The following SLC24A2 variants were observed in gnomAD, a reference collection of about 807,000 sequenced individuals.
SLC24A2 encodes solute carrier family 24 member 2, also known as sodium/potassium/calcium exchanger 2.
SLC24A2 carries 36 observed loss-of-function variants against 62.0 expected under a neutral mutation model. That is an observed-to-expected ratio of 0.58 (90% CI 0.44 to 0.77). The LOEUF (loss-of-function observed/expected upper bound fraction) is 0.77. SLC24A2 is among the 30% of genes least tolerant of loss of function. The probability of loss-of-function intolerance (pLI) is 0.00; values close to 1 mark genes in which losing one functional copy is unlikely to be tolerated. For synonymous variants in SLC24A2, 358 were observed against 294.0 expected (o/e 1.22, Z -2.23); for missense variants, 846 against 817.9 (o/e 1.03, Z -0.42).
chr9:20,202,017 G>A, the SLC24A2 span, among the ~76,000 whole-genome samples: 1 of 151,676 alleles, frequency 6.6e-6, no homozygotes, highest in Admixed American at 6.6e-5. Flanking sequence ...GAAGTCGCCA[G>A]AATCTTTTTC....
At chr9:20,185,680 A>AG in the SLC24A2 span, among the ~76,000 whole-genome samples, 1 of 151,072 alleles carries the variant, frequency 6.6e-6, no homozygotes, top group Non-Finnish European at 1.5e-5. Context: ...AAAAAAAAAA[A>AG]GAAAAGAAAA....
At chr9:19,664,573 T>C (rs1819195100) in intron 2 of SLC24A2, among the ~76,000 whole-genome samples, 1 of 152,168 alleles carries the variant, frequency 6.6e-6, no homozygotes, top group Admixed American at 6.5e-5. Context: ...TATGTTGAAG[T>C]CCTAATCCAC....
At chr9:20,043,022 T>C in the SLC24A2 span, among the ~76,000 whole-genome samples, 3 of 152,124 alleles carry the variant, frequency 2.0e-5, no homozygotes, top group African/African-American at 4.8e-5. Context: ...GATATGGAAA[T>C]TGGACCAATT....
the SLC24A2 span, among the ~76,000 whole-genome samples, chr9:20,110,389 T>C: frequency 6.6e-6 from 1 of 152,128 alleles, no homozygotes; most frequent in South Asian, 2.1e-4. Context: ...TAAAAGCTTC[T>C]GTAAATAATC....
the SLC24A2 span, chr9:19,926,929 G>A: frequency 1.3e-5 from 2 of 152,668 alleles, no homozygotes; most frequent in African/African-American, 4.8e-5. Context: ...GAGACCCAGA[G>A]TCAGGGGTGG....
chr9:20,205,652 A>G, the SLC24A2 span, among the ~76,000 whole-genome samples: 1 of 106,796 alleles, frequency 9.4e-6, no homozygotes, highest in Non-Finnish European at 2.0e-5. Flanking sequence ...CTCCATCTAA[A>G]AAAAAAAAAA....
At chr9:20,025,118 A>C in the SLC24A2 span, among the ~76,000 whole-genome samples, 1 of 152,122 alleles carries the variant, frequency 6.6e-6, no homozygotes, top group African/African-American at 2.4e-5. Flanking sequence ...ACTTAACCAA[A>C]GTTCACTTTG....
intron 8 of SLC24A2, among the ~76,000 whole-genome samples, chr9:19,537,083 C>G (rs373461105): frequency 2.0e-5 from 3 of 150,784 alleles, no homozygotes; most frequent in African/African-American, 7.4e-5. Flanking sequence ...TTTGAGTTCA[C>G]TGTAGATTCT....
chr9:20,063,160 A>G, the SLC24A2 span, among the ~76,000 whole-genome samples: 6 of 146,310 alleles, frequency 4.1e-5, no homozygotes, highest in Non-Finnish European at 8.9e-5. Flanking sequence ...CCAAAGGACT[A>G]TAAATCATGC....
chr9:19,529,789 C>T (rs1349057878), intron 8 of SLC24A2, among the ~76,000 whole-genome samples: 1 of 147,390 alleles, frequency 6.8e-6, no homozygotes, highest in African/African-American at 2.5e-5. Context: ...CTCACTCGGT[C>T]ACCCAGGCTG....
At chr9:19,929,577 A>G in the SLC24A2 span, 1 of 152,222 alleles carries the variant, frequency 6.6e-6, no homozygotes, top group Non-Finnish European at 1.5e-5. Context: ...ACAATTACAT[A>G]CAGTACGTAA....
chr9:19,787,155 G>C (rs913824655), intron 1 of SLC24A2, 136 bp from the exon 2 acceptor site: 2 of 303,440 alleles, frequency 6.6e-6, no homozygotes, highest in African/African-American at 4.5e-5. Flanking sequence ...CTGTGCCTCA[G>C]TTTCCTCATT....
the SLC24A2 span, among the ~76,000 whole-genome samples, chr9:20,209,905 AT>A: frequency 1.3e-5 from 2 of 152,202 alleles, no homozygotes; most frequent in Non-Finnish European, 2.9e-5. Context: ...AATAACTAGA[AT>A]AACACCATCC....
At chr9:20,034,010 C>T in the SLC24A2 span, among the ~76,000 whole-genome samples, 1 of 152,124 alleles carries the variant, frequency 6.6e-6, no homozygotes, top group South Asian at 2.1e-4. Context: ...ACCACATTAG[C>T]ACTGTAGATA....
chr9:19,996,486 A>T, the SLC24A2 span, among the ~76,000 whole-genome samples: 1 of 152,136 alleles, frequency 6.6e-6, no homozygotes, highest in African/African-American at 2.4e-5. Flanking sequence ...TATGCCTGTA[A>T]TCCCACACTT....
chr9:19,993,327 T>A, the SLC24A2 span, among the ~76,000 whole-genome samples: 1 of 152,350 alleles, frequency 6.6e-6, no homozygotes, highest in Non-Finnish European at 1.5e-5. Flanking sequence ...CAATACACTT[T>A]AAAAACTTTA....
At chr9:19,607,765 G>A (rs1837034401) in intron 4 of SLC24A2, among the ~76,000 whole-genome samples, 1 of 148,464 alleles carries the variant, frequency 6.7e-6, no homozygotes, top group South Asian at 2.1e-4. Flanking sequence ...CACATACCTT[G>A]TGGCCTTTGC....
chr9:20,168,242 TAA>T, the SLC24A2 span, among the ~76,000 whole-genome samples: 2 of 152,022 alleles, frequency 1.3e-5, no homozygotes, highest in African/African-American at 2.4e-5. Context: ...GTCAATCTGA[TAA>T]AGAGTATAAT....
At chr9:19,637,174 C>A (rs1818380258) in intron 2 of SLC24A2, among the ~76,000 whole-genome samples, 1 of 152,314 alleles carries the variant, frequency 6.6e-6, no homozygotes, top group South Asian at 2.1e-4. Context: ...CTGGCACAGG[C>A]AAAGAACAGA....
Sources: gnomAD v4.1 joint callset for allele counts (sites outside exome capture counted in the v4.1 genomes callset) on GRCh38, gnomAD v4.1.1 for gene constraint, MANE v1.5 for transcripts, NCBI Gene and HGNC (gene_info 2026-07-23, HGNC 2026-07-21) for gene names.